PCNX2: variants seen among roughly 807,000 people sequenced by gnomAD.
PCNX2 encodes pecanex-like protein 2.
In PCNX2, 168 loss-of-function variants were observed where a neutral mutation model predicts 223.8. The observed-to-expected ratio is 0.75, with a 90% CI of 0.66 to 0.85. The LOEUF (loss-of-function observed/expected upper bound fraction) is 0.85, where lower values mean the gene tolerates loss of function less well. Ranked by LOEUF, PCNX2 falls within the 40% of genes least tolerant of loss-of-function variation. The pLI is 0.00. For missense variants in PCNX2, 2,507 were observed against 2,675.5 expected (o/e 0.94, Z 1.39); for synonymous variants, 1,006 against 1,052.6 (o/e 0.96, Z 0.86).
chr1:233,267,772 T>G (rs1045100002), intron 1 of PCNX2, among the ~76,000 whole-genome samples: 1 of 152,156 alleles, frequency 6.6e-6, no homozygotes, highest in East Asian at 1.9e-4. Context: ...CATCCATTGG[T>G]GGACATTTGG....
the PCNX2 span, among the ~76,000 whole-genome samples, chr1:233,308,580 G>C: frequency 6.6e-6 from 1 of 152,134 alleles, no homozygotes; most frequent in Non-Finnish European, 1.5e-5. Flanking sequence ...ATATTTAGTG[G>C]TATAAGAGTA....
At chr1:233,052,088 T>A (rs1329790728) in intron 25 of PCNX2, among the ~76,000 whole-genome samples, 1 of 152,070 alleles carries the variant, frequency 6.6e-6, no homozygotes, top group Non-Finnish European at 1.5e-5. Context: ...TCAATAACCT[T>A]CTCCAAACTA....
At chr1:233,061,356 G>A (rs1047789480) in intron 23 of PCNX2, among the ~76,000 whole-genome samples, 5 of 152,156 alleles carry the variant, frequency 3.3e-5, no homozygotes, top group Admixed American at 1.3e-4. Context: ...ACTAACAATC[G>A]TATTAGCTCT....
intron 25 of PCNX2, among the ~76,000 whole-genome samples, chr1:233,049,509 G>T (rs1365196670): frequency 6.6e-6 from 1 of 152,128 alleles, no homozygotes; most frequent in East Asian, 1.9e-4. Context: ...ACTCATCTAT[G>T]ACAAACAAAT....
chr1:233,109,298 G>GA (rs1173817237), intron 21 of PCNX2, among the ~76,000 whole-genome samples: 1 of 151,888 alleles, frequency 6.6e-6, no homozygotes. Flanking sequence ...AAAAGGGCAA[G>GA]AAAAAAAATT....
intron 12 of PCNX2, 77 bp from the exon 13 acceptor site, chr1:233,208,766 C>T: frequency 1.3e-5 from 15 of 1,112,138 alleles, no homozygotes; most frequent in South Asian, 1.6e-5. Flanking sequence ...CAATAATTTA[C>T]ACTATATCAT....
At chr1:233,309,585 AAACTT>A in the PCNX2 span, among the ~76,000 whole-genome samples, 1 of 151,310 alleles carries the variant, frequency 6.6e-6, no homozygotes, top group African/African-American at 2.4e-5. Context: ...AATATATACA[AAACTT>A]AATTTAGCCA....
At chr1:233,199,902 T>C (rs1680962959) in intron 14 of PCNX2, among the ~76,000 whole-genome samples, 1 of 152,126 alleles carries the variant, frequency 6.6e-6, no homozygotes, top group African/African-American at 2.4e-5. Flanking sequence ...CTCAAACCTA[T>C]TCCAAATCAC....
At chr1:233,104,666 C>T (rs575072453) in intron 21 of PCNX2, among the ~76,000 whole-genome samples, 2 of 152,102 alleles carry the variant, frequency 1.3e-5, no homozygotes, top group Non-Finnish European at 2.9e-5. Flanking sequence ...CAAGCTTCAT[C>T]TAAGAGATAT....
the PCNX2 span, among the ~76,000 whole-genome samples, chr1:233,324,559 T>A: frequency 6.6e-6 from 1 of 151,958 alleles, no homozygotes; most frequent in Non-Finnish European, 1.5e-5. Context: ...CAACAAAGCC[T>A]GGATGACAGC....
intron 8 of PCNX2, among the ~76,000 whole-genome samples, chr1:233,237,541 G>A (rs1268889608): frequency 6.6e-6 from 1 of 152,156 alleles, no homozygotes; most frequent in Non-Finnish European, 1.5e-5. Context: ...ACCACACACA[G>A]ATTGACAAGA....
intron 26 of PCNX2, among the ~76,000 whole-genome samples, chr1:233,017,869 A>G (rs1334714575): frequency 6.6e-6 from 1 of 152,234 alleles, no homozygotes; most frequent in African/African-American, 2.4e-5. Flanking sequence ...TTCTGAGAAA[A>G]GCACACAAAA....
intron 15 of PCNX2, among the ~76,000 whole-genome samples, chr1:233,185,736 T>C (rs2102869864): frequency 6.6e-6 from 1 of 152,294 alleles, no homozygotes; most frequent in African/African-American, 2.4e-5. Flanking sequence ...TGGAAAGAGA[T>C]AAAGTTTTAA....
At chr1:233,237,015 G>A (rs1268706480) in intron 8 of PCNX2, 35 bp from the exon 9 acceptor site, 2 of 1,611,974 alleles carry the variant, frequency 1.2e-6, no homozygotes, top group Non-Finnish European at 1.7e-6. Flanking sequence ...TTGGTTACCT[G>A]GTAATACCAG....
At chr1:233,127,132 A>G (rs1429230870) in intron 21 of PCNX2, among the ~76,000 whole-genome samples, 1 of 152,164 alleles carries the variant, frequency 6.6e-6, no homozygotes, top group Non-Finnish European at 1.5e-5. Context: ...ACAAAGAGAT[A>G]TTTCCAAAAT....
At chr1:232,988,672 C>G (rs1669584468) in intron 32 of PCNX2, among the ~76,000 whole-genome samples, 1 of 152,178 alleles carries the variant, frequency 6.6e-6, no homozygotes, top group African/African-American at 2.4e-5. Context: ...TCTGAACAAT[C>G]GTGGTGTAGC....
Position 233,000,427 on chromosome 1 carries a change from G to C in PCNX2, c.5206C>G (p.Arg1736Gly). The C allele has an allele frequency of 6.2e-7, 1 of 1,602,712 alleles. No individual in the cohort carries two copies. Among genetic ancestry groups the C allele is most frequent in the African/African-American group, 1.3e-5 (1 of 74,738 alleles). The change falls in exon 30 of 34, where the codon CGG becomes GGG. Residue 1736 changes from arginine to glycine, a missense_variant. Physicochemically the swap from Arg to Gly is moderately radical, Grantham distance 125. Transcript: ENST00000258229. The surrounding 1 kb of genome is among the most constrained non-coding windows in gnomAD (Gnocchi z 4.6). ...VICHEGDPAW[R>G]GAVLSNKEEL... ...TCCTTGTTGGACAGCACTGCGCCCC[G>C]CCAGGCCGGGTCGCCCTCGTGGCAG...
chr1:232,997,239 C>T (rs1032003665), intron 32 of PCNX2, among the ~76,000 whole-genome samples: 1 of 152,124 alleles, frequency 6.6e-6, no homozygotes, highest in African/African-American at 2.4e-5. Flanking sequence ...GCAAAATAAA[C>T]CTCTAAATTA....
At chr1:233,231,451 C>T (rs80127523) in intron 9 of PCNX2, among the ~76,000 whole-genome samples, 4,658 of 152,050 alleles carry the variant, frequency 0.031, 224 homozygotes, top group African/African-American at 0.1. Context: ...AAAACGAAAA[C>T]AGATAATAGG....
Sources: gnomAD v4.1 joint callset for allele counts (sites outside exome capture counted in the v4.1 genomes callset) on GRCh38, gnomAD v4.1.1 for gene constraint, Gnocchi (gnomAD v3.1) non-coding constraint, MANE v1.5 for transcripts, NCBI Gene and HGNC (gene_info 2026-07-23, HGNC 2026-07-21) for gene names.